AGBL1: variants seen among roughly 807,000 people sequenced by gnomAD.
The protein encoded by AGBL1 is cytosolic carboxypeptidase 4.
Under a neutral mutation model 118.9 loss-of-function variants are expected in AGBL1, and 130 were observed. The observed-to-expected ratio is 1.09, with a 90% confidence interval of 0.95 to 1.26. The LOEUF (loss-of-function observed/expected upper bound fraction) is 1.26. AGBL1 is among the 50% of genes most tolerant of loss of function. The pLI is 0.00. For missense variants in AGBL1, 1,584 were observed against 1,298.1 expected (o/e 1.22, Z -3.38); for synonymous variants, 555 against 478.9 (o/e 1.16, Z -2.08).
chr15:86,485,166 G>A (rs539905992), intron 18 of AGBL1, among the ~76,000 whole-genome samples: 1 of 152,192 alleles, frequency 6.6e-6, no homozygotes, highest in African/African-American at 2.4e-5. Flanking sequence ...GTGGTCTGTG[G>A]GCCAGTATCA....
chr15:86,343,312 A>C (rs1417156314), intron 17 of AGBL1, among the ~76,000 whole-genome samples: 1 of 16,488 alleles, frequency 6.1e-5, no homozygotes, highest in African/African-American at 1.3e-4. Flanking sequence ...CTTGGCTATG[A>C]ATCCCTCCCC....
intron 22 of AGBL1, among the ~76,000 whole-genome samples, chr15:86,861,590 C>T (rs2347450): frequency 0.11 from 17,460 of 152,130 alleles, 1,361 homozygotes; most frequent in Admixed American, 0.22. Context: ...TCAGTTTTCC[C>T]GTTTTTACAA....
intron 17 of AGBL1, among the ~76,000 whole-genome samples, chr15:86,375,632 G>A (rs916238739): frequency 2.0e-5 from 3 of 152,082 alleles, no homozygotes; most frequent in Non-Finnish European, 4.4e-5. Flanking sequence ...TGTCTTTCAT[G>A]GTACCTGATG....
At chr15:86,172,061 G>T (rs2077423799) in intron 5 of AGBL1, among the ~76,000 whole-genome samples, 1 of 152,076 alleles carries the variant, frequency 6.6e-6, no homozygotes, top group Non-Finnish European at 1.5e-5. Context: ...GGAGTGTAAG[G>T]GATAAAAGAC....
chr15:86,206,418 A>C (rs895314392), intron 5 of AGBL1, among the ~76,000 whole-genome samples: 16 of 152,176 alleles, frequency 1.1e-4, no homozygotes, highest in African/African-American at 3.9e-4. Context: ...GAACTAGTTT[A>C]CACTCCCACC....
chr15:86,282,995 T>C (rs1011316248), intron 16 of AGBL1, among the ~76,000 whole-genome samples: 12 of 152,222 alleles, frequency 7.9e-5, no homozygotes, highest in Admixed American at 2.0e-4. Flanking sequence ...AATTAGTATT[T>C]GGTTCTTTCA....
At chr15:86,373,348 A>G (rs2080995435) in intron 17 of AGBL1, among the ~76,000 whole-genome samples, 1 of 152,226 alleles carries the variant, frequency 6.6e-6, no homozygotes, top group Admixed American at 6.5e-5. Flanking sequence ...TCATGGGCAG[A>G]GAAATCACCT....
intron 22 of AGBL1, among the ~76,000 whole-genome samples, chr15:86,858,491 T>TGTGTGC (rs2079517265): frequency 6.6e-6 from 1 of 151,838 alleles, no homozygotes; most frequent in African/African-American, 2.4e-5. Context: ...TGTGTGTGTG[T>TGTGTGC]GTGTGTAAGG....
downstream of AGBL1, among the ~76,000 whole-genome samples, chr15:86,918,706 C>A (rs6496371): frequency 0.8 from 122,430 of 152,144 alleles, 49,494 homozygotes; most frequent in Non-Finnish European, 0.85. Flanking sequence ...GAAATCTTAC[C>A]ATGGGCTGAT....
chr15:86,536,279 G>A (rs1456004748), intron 19 of AGBL1, among the ~76,000 whole-genome samples: 2 of 152,160 alleles, frequency 1.3e-5, no homozygotes, highest in Admixed American at 1.3e-4. Flanking sequence ...TGTAGTTTCT[G>A]TGTAACACAA....
intron 21 of AGBL1, among the ~76,000 whole-genome samples, chr15:86,665,000 A>G (rs1041422766): frequency 1.3e-5 from 2 of 152,158 alleles, no homozygotes; most frequent in Admixed American, 1.3e-4. Flanking sequence ...ATGCAACCTC[A>G]TCGCGCATTT....
chr15:87,029,523 A>G (rs76004328), downstream of AGBL1, among the ~76,000 whole-genome samples: 1,683 of 152,016 alleles, frequency 0.011, 31 homozygotes, highest in African/African-American at 0.039. Context: ...AACATTAGGA[A>G]TAGTAATGGC....
At chr15:86,860,110 C>T (rs1397918566) in intron 22 of AGBL1, among the ~76,000 whole-genome samples, 1 of 152,106 alleles carries the variant, frequency 6.6e-6, no homozygotes, top group Non-Finnish European at 1.5e-5. Context: ...ACGAACCTAA[C>T]TTAGTCATTC....
chr15:86,235,575 A>C (rs2078527488), intron 6 of AGBL1, among the ~76,000 whole-genome samples: 1 of 152,230 alleles, frequency 6.6e-6, no homozygotes, highest in Admixed American at 6.5e-5. Context: ...TGGCTTCCTC[A>C]TCACTTTCAG....
intron 21 of AGBL1, among the ~76,000 whole-genome samples, chr15:86,610,185 C>T (rs568161969): frequency 4.5e-4 from 69 of 152,286 alleles, no homozygotes; most frequent in African/African-American, 1.6e-3. Context: ...ATAGTCATTT[C>T]GTCTCTTTTG....
At chr15:86,500,611 A>G (rs113055298) in intron 18 of AGBL1, among the ~76,000 whole-genome samples, 6 of 470 alleles carry the variant, frequency 0.013, no homozygotes, top group Non-Finnish European at 4.9e-3. Context: ...TTCCAGTACA[A>G]TTTTCATCTC....
chr15:86,178,246 G>C (rs1193048044), intron 5 of AGBL1, among the ~76,000 whole-genome samples: 5 of 152,192 alleles, frequency 3.3e-5, no homozygotes, highest in Admixed American at 3.3e-4. Context: ...CAGGGAGTTG[G>C]AGGTTGCAGT....
intron 22 of AGBL1, among the ~76,000 whole-genome samples, chr15:86,756,095 A>G (rs1471284056): frequency 9.9e-5 from 15 of 152,102 alleles, no homozygotes; most frequent in Admixed American, 9.8e-4. Context: ...TAGTAGGGTC[A>G]ATTATAGGTT....
intron 23 of AGBL1, among the ~76,000 whole-genome samples, chr15:86,977,233 C>T (rs192303655): frequency 6.6e-6 from 1 of 151,956 alleles, no homozygotes; most frequent in African/African-American, 2.4e-5. Flanking sequence ...TCATGTGCCA[C>T]TCATAACACA....
Sources: allele counts gnomAD v4.1 joint callset (sites outside exome capture counted in the v4.1 genomes callset), GRCh38; gene constraint gnomAD v4.1.1; transcripts MANE v1.5; gene names NCBI Gene and HGNC (gene_info 2026-07-23, HGNC 2026-07-21).